SPMIP3: variants seen among roughly 807,000 people sequenced by gnomAD.
The protein encoded by SPMIP3 is sperm microtubule inner protein 3.
chr1:244,389,616 C>T, the SPMIP3 span: 1 of 152,106 alleles, frequency 6.6e-6, no homozygotes, highest in Non-Finnish European at 1.5e-5. Context: ...AGGCAGAAAG[C>T]TAAAGGGTCT....
the SPMIP3 span, among the ~76,000 whole-genome samples, chr1:244,380,417 G>A: frequency 6.6e-6 from 1 of 152,122 alleles, no homozygotes; most frequent in African/African-American, 2.4e-5. Flanking sequence ...ACTGCACCTG[G>A]CCAACAGACT....
At chr1:244,381,233 G>A in the SPMIP3 span, among the ~76,000 whole-genome samples, 1 of 152,092 alleles carries the variant, frequency 6.6e-6, no homozygotes, top group Non-Finnish European at 1.5e-5. Flanking sequence ...AGCATCAATG[G>A]GGTTCCGGTC....
At chr1:244,370,717 T>C in the SPMIP3 span, among the ~76,000 whole-genome samples, 9 of 152,172 alleles carry the variant, frequency 5.9e-5, no homozygotes, top group South Asian at 1.9e-3. Context: ...TGTATGAAAA[T>C]AGCACTGAAT....
At chr1:244,371,325 A>T in the SPMIP3 span, among the ~76,000 whole-genome samples, 1 of 152,200 alleles carries the variant, frequency 6.6e-6, no homozygotes, top group African/African-American at 2.4e-5. Context: ...GCTGGCCTCC[A>T]CAGCCAAGTC....
chr1:244,357,378 C>G, the SPMIP3 span, among the ~76,000 whole-genome samples: 7 of 151,858 alleles, frequency 4.6e-5, no homozygotes, highest in African/African-American at 1.5e-4. Context: ...GTGGATGGCC[C>G]TTACTAAACA....
chr1:244,361,892 A>G, the SPMIP3 span, among the ~76,000 whole-genome samples: 1 of 152,282 alleles, frequency 6.6e-6, no homozygotes, highest in East Asian at 1.9e-4. Flanking sequence ...CCAGCCTGTC[A>G]CTTCCACTGA....
the SPMIP3 span, among the ~76,000 whole-genome samples, chr1:244,353,285 C>T: frequency 6.6e-6 from 1 of 152,086 alleles, no homozygotes; most frequent in Non-Finnish European, 1.5e-5. Flanking sequence ...CGGCTCACAC[C>T]TATAATCCCA....
At chr1:244,374,527 T>C in the SPMIP3 span, among the ~76,000 whole-genome samples, 1 of 151,956 alleles carries the variant, frequency 6.6e-6, no homozygotes, top group Non-Finnish European at 1.5e-5. Flanking sequence ...TCTTTTATTA[T>C]TTTTATTTTT....
At chr1:244,368,422 G>A in the SPMIP3 span, among the ~76,000 whole-genome samples, 1 of 152,196 alleles carries the variant, frequency 6.6e-6, no homozygotes, top group Non-Finnish European at 1.5e-5. Flanking sequence ...GGCACGGTGT[G>A]GTTAAATGAC....
chr1:244,373,722 TAAAGTCATAGC>T, the SPMIP3 span, among the ~76,000 whole-genome samples: 2 of 151,902 alleles, frequency 1.3e-5, no homozygotes, highest in Non-Finnish European at 2.9e-5. Flanking sequence ...CCATTGAAAG[TAAAGTCATAGC>T]AAAAACCGCA....
At chr1:244,357,807 GA>G in the SPMIP3 span, among the ~76,000 whole-genome samples, 1 of 152,062 alleles carries the variant, frequency 6.6e-6, no homozygotes, top group African/African-American at 2.4e-5. Context: ...GCCAGGCACA[GA>G]GGCTCAGGCC....
At chr1:244,367,534 G>C in the SPMIP3 span, among the ~76,000 whole-genome samples, 1 of 152,258 alleles carries the variant, frequency 6.6e-6, no homozygotes, top group African/African-American at 2.4e-5. Context: ...ACTATGGGCG[G>C]AGGGTGGGGG....
chr1:244,378,566 T>G, the SPMIP3 span: 1 of 1,614,136 alleles, frequency 6.2e-7, no homozygotes, highest in South Asian at 1.1e-5. Context: ...TTCGAAGACA[T>G]TCAAAGCCTG....
the SPMIP3 span, among the ~76,000 whole-genome samples, chr1:244,366,265 C>G: frequency 6.6e-6 from 1 of 152,154 alleles, no homozygotes; most frequent in African/African-American, 2.4e-5. Flanking sequence ...ACTTCAAACT[C>G]CTGGGCTCAA....
the SPMIP3 span, among the ~76,000 whole-genome samples, chr1:244,354,602 C>T: frequency 1.3e-5 from 2 of 152,202 alleles, no homozygotes; most frequent in East Asian, 1.9e-4. Context: ...CTCAAGTGAT[C>T]CGCCTGCCTT....
the SPMIP3 span, among the ~76,000 whole-genome samples, chr1:244,358,785 G>A: frequency 4.1e-4 from 63 of 152,170 alleles, no homozygotes; most frequent in African/African-American, 1.5e-3. Flanking sequence ...GATTTCCTAG[G>A]AATAACTGAA....
At chr1:244,354,796 G>A in the SPMIP3 span, among the ~76,000 whole-genome samples, 1 of 152,218 alleles carries the variant, frequency 6.6e-6, no homozygotes, top group Non-Finnish European at 1.5e-5. Flanking sequence ...CAGGGAAAAT[G>A]TCCAGGTTTT....
At chr1:244,376,972 C>G in the SPMIP3 span, among the ~76,000 whole-genome samples, 17 of 151,868 alleles carry the variant, frequency 1.1e-4, no homozygotes, top group South Asian at 4.2e-4. Context: ...TCACGCTCGG[C>G]TAATTTTGTA....
chr1:244,367,452 AG>A, the SPMIP3 span, among the ~76,000 whole-genome samples: 2 of 152,074 alleles, frequency 1.3e-5, no homozygotes, highest in Non-Finnish European at 2.9e-5. Flanking sequence ...TCCAGCCTGG[AG>A]GGGGAATGCA....
Sources: allele counts gnomAD v4.1 joint callset (sites outside exome capture counted in the v4.1 genomes callset), GRCh38; gene constraint gnomAD v4.1.1; transcripts MANE v1.5; gene names NCBI Gene and HGNC (gene_info 2026-07-23, HGNC 2026-07-21).